ZNG1F: variants seen among roughly 807,000 people sequenced by gnomAD.
ZNG1F encodes zinc-regulated GTPase metalloprotein activator 1F.
the ZNG1F span, among the ~76,000 whole-genome samples, chr9:41,152,368 T>C: frequency 2.0e-5 from 3 of 149,702 alleles, 1 homozygote; most frequent in Admixed American, 6.8e-5. Context: ...CTTAGAGACC[T>C]ACAAAGAGAC....
the ZNG1F span, among the ~76,000 whole-genome samples, chr9:41,204,325 CT>C: frequency 6.8e-6 from 1 of 147,648 alleles, no homozygotes; most frequent in African/African-American, 2.5e-5. Context: ...TTGTAAGCTC[CT>C]TATCTAGCCC....
At chr9:41,195,600 A>T in the ZNG1F span, among the ~76,000 whole-genome samples, 2 of 143,580 alleles carry the variant, frequency 1.4e-5, no homozygotes, top group Non-Finnish European at 3.1e-5. Context: ...CCATGAAATT[A>T]AAAAAAAAAA....
At chr9:41,199,764 G>T in the ZNG1F span, among the ~76,000 whole-genome samples, 1 of 152,106 alleles carries the variant, frequency 6.6e-6, no homozygotes, top group African/African-American at 2.4e-5. Context: ...TACATCTTCT[G>T]ATATCTAGGC....
At chr9:41,204,910 T>G in the ZNG1F span, among the ~76,000 whole-genome samples, 1 of 150,272 alleles carries the variant, frequency 6.7e-6, no homozygotes, top group African/African-American at 2.4e-5. Flanking sequence ...AATGTTTTTA[T>G]TGTAGTTTTG....
At chr9:41,150,033 G>A in the ZNG1F span, among the ~76,000 whole-genome samples, 2 of 38,594 alleles carry the variant, frequency 5.2e-5, 1 homozygote, top group Non-Finnish European at 1.7e-4. Flanking sequence ...CAGAAGACAG[G>A]CGATTTCTAC....
At chr9:41,185,565 C>T in the ZNG1F span, among the ~76,000 whole-genome samples, 8 of 149,386 alleles carry the variant, frequency 5.4e-5, no homozygotes, top group South Asian at 6.4e-4. Context: ...CCCAGCTACT[C>T]GGGAGGCTGA....
At chr9:41,185,591 T>G in the ZNG1F span, among the ~76,000 whole-genome samples, 1 of 151,156 alleles carries the variant, frequency 6.6e-6, no homozygotes, top group Non-Finnish European at 1.5e-5. Context: ...GAGAATCACT[T>G]TAACCCGGGA....
the ZNG1F span, among the ~76,000 whole-genome samples, chr9:41,192,916 T>C: frequency 1.3e-5 from 2 of 151,862 alleles, no homozygotes; most frequent in East Asian, 1.9e-4. Flanking sequence ...TCCTCCTCAT[T>C]TAGCTTTGCT....
the ZNG1F span, among the ~76,000 whole-genome samples, chr9:41,168,751 CTTT>C: frequency 3.0e-5 from 3 of 99,524 alleles, no homozygotes; most frequent in Admixed American, 1.1e-4. Context: ...CTTATGAAAG[CTTT>C]TTTAACATAT....
the ZNG1F span, among the ~76,000 whole-genome samples, chr9:41,196,718 A>ATG: frequency 1.2e-5 from 1 of 84,350 alleles, no homozygotes; most frequent in Non-Finnish European, 2.8e-5. Context: ...ACACACATAT[A>ATG]TATATATGTG....
At chr9:41,155,320 A>G in the ZNG1F span, among the ~76,000 whole-genome samples, 1 of 150,222 alleles carries the variant, frequency 6.7e-6, no homozygotes, top group Non-Finnish European at 1.5e-5. Context: ...ATCTCACACC[A>G]GTTAGAATGG....
At chr9:41,139,541 A>C in the ZNG1F span, among the ~76,000 whole-genome samples, 7 of 149,768 alleles carry the variant, frequency 4.7e-5, no homozygotes, top group African/African-American at 1.7e-4. Context: ...TAGAACGCCC[A>C]AAAACATGAG....
the ZNG1F span, among the ~76,000 whole-genome samples, chr9:41,151,694 AT>A: frequency 5.0e-3 from 747 of 150,636 alleles, 2 homozygotes; most frequent in African/African-American, 0.017. Context: ...GGGGGCCAAT[AT>A]TCAACATTCT....
the ZNG1F span, among the ~76,000 whole-genome samples, chr9:41,184,040 A>G: frequency 6.6e-6 from 1 of 151,004 alleles, no homozygotes; most frequent in South Asian, 2.1e-4. Flanking sequence ...TCAACCTCTT[A>G]AGAGACTGCC....
At chr9:41,148,681 CTCAA>C in the ZNG1F span, among the ~76,000 whole-genome samples, 101 of 141,992 alleles carry the variant, frequency 7.1e-4, 1 homozygote, top group Admixed American at 2.8e-4. Context: ...CTGAAATAAT[CTCAA>C]TCAATTTCTT....
At chr9:41,176,853 G>A in the ZNG1F span, 22 of 141,854 alleles carry the variant, frequency 1.6e-4, no homozygotes, top group African/African-American at 5.5e-4. Flanking sequence ...GGGCATACAA[G>A]TGGCAAAGAA....
the ZNG1F span, chr9:41,132,268 C>G: frequency 3.1e-6 from 5 of 1,604,380 alleles, no homozygotes; most frequent in Non-Finnish European, 3.4e-6. Flanking sequence ...TGTCATCCTT[C>G]CAGCTCACTG....
At chr9:41,173,800 T>C in the ZNG1F span, among the ~76,000 whole-genome samples, 2 of 142,330 alleles carry the variant, frequency 1.4e-5, no homozygotes, top group Non-Finnish European at 3.1e-5. Context: ...CACCACTGTC[T>C]GGGGTTTTTT....
At chr9:41,192,770 CTTTTTTT>C in the ZNG1F span, among the ~76,000 whole-genome samples, 1 of 78,678 alleles carries the variant, frequency 1.3e-5, no homozygotes, top group African/African-American at 4.9e-5. Context: ...CTGTGCCGGG[CTTTTTTT>C]TTTTTTTTAA....
Sources: allele counts gnomAD v4.1 joint callset (sites outside exome capture counted in the v4.1 genomes callset), GRCh38; gene constraint gnomAD v4.1.1; transcripts MANE v1.5; gene names NCBI Gene and HGNC (gene_info 2026-07-23, HGNC 2026-07-21).